The following RAD51B variants were observed in gnomAD, a reference collection of about 807,000 sequenced individuals.
RAD51B encodes the protein RAD51 paralog B.
In RAD51B, 38 loss-of-function variants were observed where a neutral mutation model predicts 42.2. The observed-to-expected ratio is 0.90, with a 90% CI of 0.70 to 1.18. RAD51B has a LOEUF of 1.18. RAD51B is among the 50% of genes most tolerant of loss of function. RAD51B has a pLI of 0.00. For missense variants in RAD51B, 373 were observed against 400.7 expected (o/e 0.93, Z 0.59); for synonymous variants, 154 against 145.2 (o/e 1.06, Z -0.43).
chr14:68,032,044 A>AC (rs745385292), intron 7 of RAD51B, among the ~76,000 whole-genome samples: 41,341 of 151,994 alleles, frequency 0.27, 7,311 homozygotes, highest in African/African-American at 0.5. Context: ...TTTGTGTCTG[A>AC]TTTGACTCAA....
intron 9 of RAD51B, 82 bp from the exon 10 acceptor site, chr14:68,468,090 T>G (rs1276342364): frequency 2.5e-6 from 3 of 1,223,944 alleles, no homozygotes. Context: ...GTTACCACTT[T>G]GTCTCAAAGT....
chr14:68,610,766 G>T (rs1193427880), intron 10 of RAD51B, among the ~76,000 whole-genome samples: 2 of 151,668 alleles, frequency 1.3e-5, no homozygotes, highest in African/African-American at 4.9e-5. Flanking sequence ...TCCTCCAAAG[G>T]TGAAACCAAT....
intron 7 of RAD51B, among the ~76,000 whole-genome samples, chr14:68,278,975 A>G (rs1331713988): frequency 6.6e-6 from 1 of 151,560 alleles, no homozygotes; most frequent in Non-Finnish European, 1.5e-5. Context: ...CCATTTCATG[A>G]GGTTTCTTTT....
At chr14:68,487,639 G>C (rs995504295) in intron 10 of RAD51B, among the ~76,000 whole-genome samples, 2 of 151,964 alleles carry the variant, frequency 1.3e-5, no homozygotes. Context: ...CTCCCGAGTA[G>C]CTGGGACTAC....
intron 8 of RAD51B, among the ~76,000 whole-genome samples, chr14:68,408,390 A>C (rs1441386896): frequency 1.3e-5 from 2 of 152,222 alleles, no homozygotes; most frequent in African/African-American, 4.8e-5. Context: ...CTGAATTTGC[A>C]GTGCTAAAAT....
chr14:68,039,313 A>G (rs981792222), intron 7 of RAD51B, among the ~76,000 whole-genome samples: 1 of 151,808 alleles, frequency 6.6e-6, no homozygotes, highest in Non-Finnish European at 1.5e-5. Context: ...CTGTAATCCC[A>G]GCTACTCAGG....
At chr14:67,877,529 T>G (rs2042766283) in intron 5 of RAD51B, among the ~76,000 whole-genome samples, 1 of 152,218 alleles carries the variant, frequency 6.6e-6, no homozygotes, top group Non-Finnish European at 1.5e-5. Flanking sequence ...CCCATTGGGC[T>G]TCTAGTCTTT....
At chr14:67,919,112 T>G (rs994853735) in intron 7 of RAD51B, among the ~76,000 whole-genome samples, 7 of 152,178 alleles carry the variant, frequency 4.6e-5, no homozygotes, top group African/African-American at 9.7e-5. Flanking sequence ...CAAATTAAAC[T>G]GATGCATGTG....
intron 9 of RAD51B, among the ~76,000 whole-genome samples, chr14:68,439,186 ACTCT>A (rs71129886): frequency 9.5e-5 from 4 of 42,302 alleles, no homozygotes; most frequent in African/African-American, 1.0e-4. Flanking sequence ...ACACACACAC[ACTCT>A]CTCACACACA....
intron 8 of RAD51B, among the ~76,000 whole-genome samples, chr14:68,336,280 C>G (rs2082453470): frequency 6.6e-6 from 1 of 152,188 alleles, no homozygotes; most frequent in Non-Finnish European, 1.5e-5. Context: ...ACTGTCCTAT[C>G]TTCCTTTGTA....
At chr14:68,385,211 G>C (rs912083491) in intron 8 of RAD51B, among the ~76,000 whole-genome samples, 2 of 152,042 alleles carry the variant, frequency 1.3e-5, no homozygotes, top group Non-Finnish European at 2.9e-5. Flanking sequence ...TCTCTGCATC[G>C]ACAGCATGCC....
At chr14:68,124,692 A>G (rs983369209) in intron 7 of RAD51B, among the ~76,000 whole-genome samples, 2 of 152,156 alleles carry the variant, frequency 1.3e-5, no homozygotes, top group Non-Finnish European at 2.9e-5. Context: ...GGTGGCTCAC[A>G]CCTGTAATCT....
intron 8 of RAD51B, among the ~76,000 whole-genome samples, chr14:68,332,775 A>G (rs948502843): frequency 1.3e-5 from 2 of 152,070 alleles, no homozygotes; most frequent in African/African-American, 4.8e-5. Context: ...TTCTTATTCC[A>G]GTTCAATTTA....
intron 8 of RAD51B, among the ~76,000 whole-genome samples, chr14:68,295,511 G>C (rs561757233): frequency 6.6e-6 from 1 of 152,134 alleles, no homozygotes; most frequent in Admixed American, 6.5e-5. Flanking sequence ...GCCAGGGCTC[G>C]CTTTTTACAG....
At chr14:68,269,034 G>A (rs1248113077) in intron 7 of RAD51B, among the ~76,000 whole-genome samples, 1 of 152,182 alleles carries the variant, frequency 6.6e-6, no homozygotes, top group South Asian at 2.1e-4. Flanking sequence ...TGTCTTTGGG[G>A]CCCAGTGTTT....
At chr14:68,360,012 A>G (rs1446317087) in intron 8 of RAD51B, among the ~76,000 whole-genome samples, 1 of 152,234 alleles carries the variant, frequency 6.6e-6, no homozygotes, top group Admixed American at 6.5e-5. Context: ...AGTCTTGAAC[A>G]ACAAACACTT....
At chr14:67,962,619 A>G (rs2074693233) in intron 7 of RAD51B, among the ~76,000 whole-genome samples, 1 of 152,214 alleles carries the variant, frequency 6.6e-6, no homozygotes, top group Non-Finnish European at 1.5e-5. Flanking sequence ...GTTGAGGTAT[A>G]AAGGCCACAG....
intron 8 of RAD51B, among the ~76,000 whole-genome samples, chr14:68,398,514 C>A (rs1447624587): frequency 1.3e-5 from 2 of 152,124 alleles, no homozygotes; most frequent in Admixed American, 6.5e-5. Context: ...GAGTGAGGAC[C>A]TGGGCCCGGT....
intron 8 of RAD51B, among the ~76,000 whole-genome samples, chr14:68,341,818 T>A (rs1385484333): frequency 1.3e-5 from 2 of 152,090 alleles, no homozygotes; most frequent in African/African-American, 4.8e-5. Flanking sequence ...GAGGTAGGGG[T>A]GGAGCAGTTC....
Sources: gnomAD v4.1 joint callset for allele counts (sites outside exome capture counted in the v4.1 genomes callset) on GRCh38, gnomAD v4.1.1 for gene constraint, MANE v1.5 for transcripts, NCBI Gene and HGNC (gene_info 2026-07-23, HGNC 2026-07-21) for gene names.